CSNK1G1: variants seen among roughly 807,000 people sequenced by gnomAD.
CSNK1G1 encodes the protein casein kinase 1 gamma 1, also known as casein kinase I isoform gamma-1.
Under a neutral mutation model 59.6 loss-of-function variants are expected in CSNK1G1, and 22 were observed. That is an observed-to-expected ratio of 0.37 (90% CI 0.26 to 0.53). CSNK1G1 has a LOEUF of 0.53. Among genes scored for constraint, CSNK1G1 ranks in the 20% least tolerant of loss-of-function variants. The probability of loss-of-function intolerance (pLI) is 0.89; values close to 1 mark genes in which losing one functional copy is unlikely to be tolerated. For synonymous variants in CSNK1G1, 179 were observed against 177.1 expected (o/e 1.01, Z -0.08); for missense variants, 384 against 519.5 (o/e 0.74, Z 2.54).
rs1461415594 is a variant in CSNK1G1, at chr15:64,210,068, T to C, written c.680-2474A>G. On this transcript the variant is annotated intron_variant, in intron 6 of 11. Transcript: ENST00000303052. This position sits in a 1 kb window ranked among gnomAD's most constrained non-coding sequence, Gnocchi z 4.2. ...TCCTGAGAACTATGAAAAAGAACTATAGAATATGGGACAATAGGAAAAATA... is the reference window on the plus strand; with the variant it reads ...TCCTGAGAACTATGAAAAAGAACTACAGAATATGGGACAATAGGAAAAATA... Among the ~76,000 whole-genome samples the C allele has an allele frequency of 6.6e-6, 1 of 152,048 alleles. No individual in the cohort carries two copies. Among genetic ancestry groups the C allele is most frequent in the Non-Finnish European group, 1.5e-5 (1 of 68,004 alleles).
Position 64,191,121 on chromosome 15 carries a change from G to T in CSNK1G1, c.1108-10667C>A, listed in dbSNP as rs560337401. 2.0e-5 allele frequency among the ~76,000 whole-genome samples: 3 copies of T among 152,224 alleles called. No individual in the cohort carries two copies. In the East Asian group the frequency reaches 5.8e-4, roughly 29 times the overall value. On this transcript the variant is annotated intron_variant, in intron 10 of 11. Coordinates refer to ENST00000303052, the MANE Select transcript of CSNK1G1 (RefSeq NM_022048.5). ...CTGTCACCCAGGCTGGAGTGCAGTG[G>T]CACGATCTCGGCTCACTGCAAGCTC...
Position 64,176,494 on chromosome 15 carries a change from T to G in CSNK1G1, c.1214+3854A>C, listed in dbSNP as rs1596048032. Among the ~76,000 whole-genome samples the G allele has an allele frequency of 6.6e-6, 1 of 152,124 alleles. No homozygotes were observed. The highest frequency in any genetic ancestry group is 2.1e-4 in the South Asian group (1 of 4,814). On this transcript the variant is annotated intron_variant, in intron 11 of 11. Transcript: ENST00000303052. The surrounding 1 kb of genome is among the most constrained non-coding windows in gnomAD (Gnocchi z 5.2). Reference sequence around the variant, plus strand: ...AAAGTGGAGGGTTCGGACAGGAGCCTGACAGAAGCATCAAGGTGGGAGCTG... The same window carrying G: ...AAAGTGGAGGGTTCGGACAGGAGCCGGACAGAAGCATCAAGGTGGGAGCTG...
intron 11 of CSNK1G1, 101 bp downstream of exon 11, chr15:64,180,247 G>C: frequency 2.4e-6 from 2 of 850,432 alleles, no homozygotes; most frequent in South Asian, 2.9e-5. Flanking sequence ...GTGGTTACAA[G>C]CATGAGAAAT....
intron 4 of CSNK1G1, among the ~76,000 whole-genome samples, chr15:64,227,775 G>A (rs139389392): frequency 1.7e-3 from 260 of 152,254 alleles, no homozygotes; most frequent in African/African-American, 6.0e-3. Context: ...AAAACCCTGA[G>A]AAATATTGTG....
chr15:64,260,632 G>A (rs2140332013), intron 2 of CSNK1G1, among the ~76,000 whole-genome samples: 1 of 152,172 alleles, frequency 6.6e-6, no homozygotes, highest in East Asian at 1.9e-4. Flanking sequence ...CAGCTACTTG[G>A]GAGGCTGAGG....
chr15:64,273,510 A>T (rs967802555), intron 2 of CSNK1G1, among the ~76,000 whole-genome samples: 1 of 152,160 alleles, frequency 6.6e-6, no homozygotes, highest in Non-Finnish European at 1.5e-5. Context: ...ATTATAGCAG[A>T]GAAGAGGTAA....
In CSNK1G1 at chr15:64,210,906, A is replaced by G. The variant is rs1345816890; in HGVS notation, c.679+2984T>C. 2.0e-5 allele frequency among the ~76,000 whole-genome samples: 3 copies of G among 152,146 alleles called. No homozygotes were observed. The highest frequency in any genetic ancestry group is 4.4e-5 in the Non-Finnish European group (3 of 68,024). The stretch of plus-strand genomic sequence containing the variant: ...CTCCCTTAGGGATGAGTTCCCAAGA[A>G]AGCAGGTTGGTGAGAAGAGCCTAGC... On this transcript the variant is annotated intron_variant, in intron 6 of 11. Coordinates refer to ENST00000303052, the MANE Select transcript of CSNK1G1 (RefSeq NM_022048.5). The surrounding 1 kb of genome is among the most constrained non-coding windows in gnomAD (Gnocchi z 4.2).
At position 64,171,773 on chromosome 15, in the gene CSNK1G1, G is replaced by A; in HGVS notation, c.*158C>T. Reference sequence around the variant, plus strand: ...GCCAATGACCCACTAGGCCCTGGCTGCCCGCACTGGCCCCTTCTGGGGGCA... The same window carrying A: ...GCCAATGACCCACTAGGCCCTGGCTACCCGCACTGGCCCCTTCTGGGGGCA... On this transcript the variant is annotated 3_prime_UTR_variant, in exon 12 of 12. Coordinates refer to ENST00000303052, the MANE Select transcript of CSNK1G1 (RefSeq NM_022048.5). The surrounding 1 kb of genome is among the most constrained non-coding windows in gnomAD (Gnocchi z 4.8). The A allele has an allele frequency of 5.9e-6, 4 of 683,438 alleles. No individual in the cohort carries two copies. The highest frequency in any genetic ancestry group is 3.4e-5 in the South Asian group (2 of 58,062). The allele number at this position is 683,438 out of a possible 1,614,324, so 42.3% of individuals were successfully genotyped here. A position where few individuals can be genotyped will look rare whatever the true frequency, so the allele number is the denominator to read the frequency against.
At chr15:64,208,127 A>G (rs1596095754) in intron 6 of CSNK1G1, among the ~76,000 whole-genome samples, 1 of 152,234 alleles carries the variant, frequency 6.6e-6, no homozygotes, top group African/African-American at 2.4e-5. Flanking sequence ...GAACATCAGT[A>G]CATACTCTCT....
intron 1 of CSNK1G1, among the ~76,000 whole-genome samples, chr15:64,314,209 T>C (rs1797789497): frequency 6.6e-6 from 1 of 152,112 alleles, no homozygotes; most frequent in African/African-American, 2.4e-5. Context: ...CTTGAACACA[T>C]GGGTTCAACA....
intron 10 of CSNK1G1, among the ~76,000 whole-genome samples, chr15:64,198,071 T>A (rs1433838631): frequency 6.6e-6 from 1 of 152,042 alleles, no homozygotes; most frequent in Non-Finnish European, 1.5e-5. Flanking sequence ...CAGATGATAA[T>A]AATTTGCAAC....
At chr15:64,181,640 C>T in intron 10 of CSNK1G1, 1 of 466,954 alleles carries the variant, frequency 2.1e-6, no homozygotes, top group Non-Finnish European at 3.7e-6. Context: ...AAGTTTGAAC[C>T]CCAGCTCCAC....
intron 4 of CSNK1G1, among the ~76,000 whole-genome samples, chr15:64,219,156 CAA>C (rs1421531629): frequency 3.9e-5 from 6 of 152,078 alleles, no homozygotes; most frequent in African/African-American, 1.4e-4. Flanking sequence ...CACCAGGCCC[CAA>C]AGAGTCTTTT....
chr15:64,217,163 T>C (rs910337182), intron 4 of CSNK1G1, among the ~76,000 whole-genome samples: 4 of 152,222 alleles, frequency 2.6e-5, no homozygotes, highest in African/African-American at 7.2e-5. Context: ...TTTGGAACTG[T>C]TGCCCTATGG....
At chr15:64,191,120 G>T (rs2081964758) in intron 10 of CSNK1G1, among the ~76,000 whole-genome samples, 1 of 152,148 alleles carries the variant, frequency 6.6e-6, no homozygotes, top group African/African-American at 2.4e-5. Context: ...GGAGTGCAGT[G>T]GCACGATCTC....
intron 2 of CSNK1G1, among the ~76,000 whole-genome samples, chr15:64,294,498 TA>T (rs1200142290): frequency 5.3e-5 from 8 of 152,008 alleles, no homozygotes; most frequent in African/African-American, 1.7e-4. Flanking sequence ...AAAGTAGAAT[TA>T]AAAAAAAATT....
rs970909092 is a variant in CSNK1G1, at chr15:64,295,678, A to G, written c.181+4641T>C. On this transcript the variant is annotated intron_variant, in intron 2 of 11. Transcript: ENST00000303052. The stretch of plus-strand genomic sequence containing the variant: ...AAATGGAAGAATAAAGTACAACATG[A>G]TAAGTATTACAATTAGAGCAAAATC... Among the ~76,000 whole-genome samples the G allele has an allele frequency of 4.6e-5, 7 of 152,208 alleles. No individual in the cohort carries two copies. The East Asian group carries it at 5.8e-4, about 13-fold the overall frequency.
chr15:64,335,385 C>T (rs1024522141), intron 1 of CSNK1G1, among the ~76,000 whole-genome samples: 1 of 152,046 alleles, frequency 6.6e-6, no homozygotes, highest in Non-Finnish European at 1.5e-5. Context: ...GGTCCTGATC[C>T]TCATTTTTCT....
chr15:64,173,628 T>C (rs530430606), intron 11 of CSNK1G1, among the ~76,000 whole-genome samples: 3 of 142,818 alleles, frequency 2.1e-5, no homozygotes, highest in South Asian at 2.3e-4. Context: ...TCTTTTTTTT[T>C]TTTTTTTTTT....
Sources: allele counts gnomAD v4.1 joint callset (sites outside exome capture counted in the v4.1 genomes callset), GRCh38; gene constraint gnomAD v4.1.1; non-coding constraint Gnocchi (gnomAD v3.1); transcripts MANE v1.5; gene names NCBI Gene and HGNC (gene_info 2026-07-23, HGNC 2026-07-21).